GLIS3: variants seen among roughly 807,000 people sequenced by gnomAD.
The protein encoded by GLIS3 is GLIS family zinc finger 3, also known as zinc finger protein GLIS3.
Under a neutral mutation model 78.6 loss-of-function variants are expected in GLIS3, and 53 were observed. The observed-to-expected ratio is 0.67, with a 90% CI of 0.54 to 0.85. The LOEUF (loss-of-function observed/expected upper bound fraction) is 0.85, where lower values mean the gene tolerates loss of function less well. Ranked by LOEUF, GLIS3 falls within the 40% of genes least tolerant of loss-of-function variation. GLIS3 has a pLI of 0.00. For synonymous variants in GLIS3, 684 were observed against 509.9 expected (o/e 1.34, Z -4.60); for missense variants, 1,703 against 1,231.1 (o/e 1.38, Z -5.74).
intron 2 of GLIS3, among the ~76,000 whole-genome samples, chr9:4,278,057 T>A (rs1309228698): frequency 6.6e-6 from 1 of 152,208 alleles, no homozygotes; most frequent in Non-Finnish European, 1.5e-5. Context: ...ATTTCTATTA[T>A]CTTAGAAACA....
chr9:4,112,365 A>G (rs971427748), intron 4 of GLIS3, among the ~76,000 whole-genome samples: 3 of 152,240 alleles, frequency 2.0e-5, no homozygotes, highest in Non-Finnish European at 2.9e-5. Context: ...GCCATTGAGA[A>G]TAAGTAGAGA....
intron 2 of GLIS3, among the ~76,000 whole-genome samples, chr9:4,248,904 C>T (rs990334770): frequency 6.6e-6 from 1 of 152,038 alleles, no homozygotes; most frequent in Non-Finnish European, 1.5e-5. Flanking sequence ...AGTGTCTGTT[C>T]GTATACTTCA....
intron 1 of GLIS3, among the ~76,000 whole-genome samples, chr9:4,289,702 C>A (rs185940978): frequency 6.6e-6 from 1 of 152,094 alleles, no homozygotes; most frequent in Non-Finnish European, 1.5e-5. Flanking sequence ...CAAGGAACAT[C>A]CAGAGGTATA....
chr9:4,370,509 T>C, the GLIS3 span, among the ~76,000 whole-genome samples: 1 of 152,186 alleles, frequency 6.6e-6, no homozygotes, highest in South Asian at 2.1e-4. Context: ...TATTCCAAAT[T>C]GTCAAGACCT....
At chr9:4,305,192 T>C (rs1817197747) in intron 4 of GLIS3, 1 of 152,132 alleles carries the variant, frequency 6.6e-6, no homozygotes. Flanking sequence ...TAACCATTGC[T>C]CTATTACCTT....
At chr9:4,163,142 T>C (rs887613559) in intron 2 of GLIS3, among the ~76,000 whole-genome samples, 2 of 152,174 alleles carry the variant, frequency 1.3e-5, no homozygotes, top group African/African-American at 2.4e-5. Context: ...AGCAATCAGC[T>C]CTAAAGTCAT....
chr9:4,359,111 C>T, the GLIS3 span, among the ~76,000 whole-genome samples: 1 of 152,140 alleles, frequency 6.6e-6, no homozygotes, highest in African/African-American at 2.4e-5. Flanking sequence ...TTACTACTCT[C>T]CTGCGGTCGA....
At chr9:4,393,379 T>A in the GLIS3 span, among the ~76,000 whole-genome samples, 1 of 152,178 alleles carries the variant, frequency 6.6e-6, no homozygotes, top group Non-Finnish European at 1.5e-5. Context: ...AAAAATGATA[T>A]CCTCTTATAT....
the GLIS3 span, among the ~76,000 whole-genome samples, chr9:4,479,307 G>C: frequency 2.6e-5 from 4 of 152,152 alleles, no homozygotes; most frequent in African/African-American, 9.7e-5. Context: ...GTCATGTGTG[G>C]ACTTATTTAG....
the GLIS3 span, among the ~76,000 whole-genome samples, chr9:4,471,187 C>T: frequency 1.3e-5 from 2 of 152,032 alleles, no homozygotes; most frequent in Admixed American, 1.3e-4. Flanking sequence ...TACCCAAAGT[C>T]ATTTATAGAT....
In GLIS3 at chr9:3,991,893, T is replaced by A. The variant is rs1315361771; in HGVS notation, c.1711-54704A>T. Among the ~76,000 whole-genome samples the A allele has an allele frequency of 3.3e-5, 5 of 152,126 alleles. No individual in the cohort carries two copies. In the South Asian group the frequency reaches 6.2e-4, roughly 19 times the overall value. On this transcript the variant is annotated intron_variant, in intron 4 of 10. Transcript: ENST00000381971. ...TTTTAGTAGAGACGGGGTTTCACCG[T>A]ATTGGCCAGGACAGTCTTGATCTCC...
intron 4 of GLIS3, among the ~76,000 whole-genome samples, chr9:4,009,979 T>C (rs1821866528): frequency 1.3e-5 from 2 of 152,126 alleles, no homozygotes; most frequent in African/African-American, 2.4e-5. Flanking sequence ...GTGTGGAGCA[T>C]GGGGTCTCTA....
chr9:3,838,825 T>C (rs541986680), intron 9 of GLIS3, among the ~76,000 whole-genome samples: 1 of 152,204 alleles, frequency 6.6e-6, no homozygotes, highest in Admixed American at 6.5e-5. Context: ...CTCGGGATAT[T>C]TGTGGAGCCC....
At chr9:4,072,805 A>G (rs1333582912) in intron 4 of GLIS3, among the ~76,000 whole-genome samples, 1 of 151,886 alleles carries the variant, frequency 6.6e-6, no homozygotes, top group East Asian at 1.9e-4. Context: ...TTTCTTCTAT[A>G]TAAGTAGAAT....
chr9:4,462,633 AGACACG>A, the GLIS3 span, among the ~76,000 whole-genome samples: 165 of 141,880 alleles, frequency 1.2e-3, no homozygotes, highest in African/African-American at 2.2e-3. Context: ...ACACACACAC[AGACACG>A]CACACACACA....
chr9:4,040,790 A>C (rs1158574023), intron 4 of GLIS3, among the ~76,000 whole-genome samples: 1 of 152,208 alleles, frequency 6.6e-6, no homozygotes, highest in East Asian at 1.9e-4. Flanking sequence ...ACAGTCTTCA[A>C]GTGGTGCTGT....
rs4549835 is a variant in GLIS3 at position 4,050,246 on chromosome 9, C to A, written c.1710+67522G>T. Among the ~76,000 whole-genome samples the A allele has an allele frequency of 3.4e-3, 521 of 152,186 alleles. 4 individuals carry two copies. Among genetic ancestry groups the A allele is most frequent in the African/African-American group, 8.5e-3 (353 of 41,516 alleles). On this transcript the variant is annotated intron_variant, in intron 4 of 10. Transcript: ENST00000381971. ...GATTAAGAAAATGTGGCACATATAC[C>A]CCATGGAATACTATGCAGCCACAGA...
chr9:3,946,214 C>T (rs1170107403), intron 4 of GLIS3, among the ~76,000 whole-genome samples: 2 of 152,214 alleles, frequency 1.3e-5, no homozygotes, highest in East Asian at 1.9e-4. Context: ...TGTTTCCCTA[C>T]TAGGCTGTGA....
At chr9:3,961,672 T>C (rs1817565688) in intron 4 of GLIS3, among the ~76,000 whole-genome samples, 1 of 152,088 alleles carries the variant, frequency 6.6e-6, no homozygotes, top group Non-Finnish European at 1.5e-5. Flanking sequence ...CACCATTTGC[T>C]AGAGTTGGCA....
Sources: allele counts gnomAD v4.1 joint callset (sites outside exome capture counted in the v4.1 genomes callset), GRCh38; gene constraint gnomAD v4.1.1; transcripts MANE v1.5; gene names NCBI Gene and HGNC (gene_info 2026-07-23, HGNC 2026-07-21).